ABCA13: variants seen among roughly 807,000 people sequenced by gnomAD.
ABCA13 encodes the protein ATP binding cassette subfamily A member 13.
A neutral mutation model predicts 478.7 loss-of-function variants in ABCA13; 476 were observed. The observed-to-expected ratio is 0.99, with a 90% CI of 0.92 to 1.07. The LOEUF (loss-of-function observed/expected upper bound fraction) is 1.07, where lower values mean the gene tolerates loss of function less well. ABCA13 is among the 50% of genes least tolerant of loss of function. The pLI is 0.00. For missense variants in ABCA13, 6,060 were observed against 5,910.6 expected (o/e 1.03, Z -0.83); for synonymous variants, 2,252 against 2,158.9 (o/e 1.04, Z -1.20).
chr7:48,172,929 AT>A lies in ABCA13; in HGVS notation c.69+1380del, dbSNP rs1178024304. Among the ~76,000 whole-genome samples the A allele has an allele frequency of 6.7e-5, 10 of 149,090 alleles. No individual in the cohort carries two copies. In the Admixed American group the frequency reaches 6.7e-4, roughly 10 times the overall value. On this transcript the variant is annotated intron_variant, in intron 1 of 61. Coordinates refer to ENST00000435803, the MANE Select transcript of ABCA13 (RefSeq NM_152701.5). ...GTAGTTTTACATTTATAAACAGTGTATTTCATTGACATGTAAGTTTGTTTTA... is the reference window on the plus strand; with the variant it reads ...GTAGTTTTACATTTATAAACAGTGTATTCATTGACATGTAAGTTTGTTTTA...
intron 38 of ABCA13, among the ~76,000 whole-genome samples, chr7:48,393,265 G>A (rs533025743): frequency 5.0e-4 from 76 of 152,314 alleles, no homozygotes; most frequent in Middle Eastern, 6.8e-3. Context: ...AGCAAACAGT[G>A]GTAGTTAAGT....
intron 54 of ABCA13, among the ~76,000 whole-genome samples, chr7:48,524,921 C>CT (rs1360640329): frequency 2.0e-5 from 3 of 152,128 alleles, no homozygotes; most frequent in African/African-American, 7.2e-5. Flanking sequence ...AATGTTTAAT[C>CT]AGAACTGACA....
rs747471970 is a variant in ABCA13 at position 48,350,783 on chromosome 7, G to C, written c.10345G>C (p.Ala3449Pro). ...GTCTGTCGACATCCTGGAGACTAAA[G>C]CACATGAACTCTTGCAGCAGAACAG... The part of the protein sequence containing the change: ...LQSVDILETK[A>P]HELLQQNSFL... The change falls in exon 30 of 62, where the codon GCA becomes CCA. Residue 3449 changes from alanine (A) to proline (P), a missense_variant. Coordinates refer to ENST00000435803, the MANE Select transcript of ABCA13 (RefSeq NM_152701.5). The C allele has an allele frequency of 6.2e-7, 1 of 1,613,802 alleles. No homozygotes were observed. Among genetic ancestry groups the C allele is most frequent in the East Asian group, 2.2e-5 (1 of 44,848 alleles).
chr7:48,615,237 C>T (rs1189934061), intron 58 of ABCA13, 48 bp from the exon 59 acceptor site: 2 of 1,241,456 alleles, frequency 1.6e-6, no homozygotes, highest in Admixed American at 3.0e-5. Context: ...ACTCAACCCT[C>T]CCCTCTTCAG....
At chr7:48,226,155 A>G (rs11983960) in intron 5 of ABCA13, among the ~76,000 whole-genome samples, 28,231 of 152,054 alleles carry the variant, frequency 0.19, 3,222 homozygotes, top group East Asian at 0.33. Flanking sequence ...CAAAATGAAG[A>G]TTTTGACCAG....
chr7:48,178,458 T>C (rs1194531614), intron 1 of ABCA13, among the ~76,000 whole-genome samples: 1 of 152,112 alleles, frequency 6.6e-6, no homozygotes, highest in African/African-American at 2.4e-5. Context: ...GCGGATCACC[T>C]GAAGTCAGGA....
At chr7:48,265,940 C>CT (rs947018167) in intron 15 of ABCA13, among the ~76,000 whole-genome samples, 1 of 151,506 alleles carries the variant, frequency 6.6e-6, no homozygotes, top group Admixed American at 6.6e-5. Context: ...TCTTTTATTC[C>CT]TACTTTGGCA....
At chr7:48,466,042 T>A (rs767204198) in intron 43 of ABCA13, among the ~76,000 whole-genome samples, 18 of 152,148 alleles carry the variant, frequency 1.2e-4, no homozygotes, top group Non-Finnish European at 1.6e-4. Flanking sequence ...GCAAAGATTC[T>A]TACTCAAAAA....
In ABCA13 at chr7:48,272,412, G is replaced by T; in HGVS notation, c.2746G>T (p.Ala916Ser). The T allele has an allele frequency of 6.2e-7, 1 of 1,613,756 alleles. No homozygotes were observed. Among genetic ancestry groups the T allele is most frequent in the South Asian group, 1.1e-5 (1 of 91,062 alleles). ...TTTGGAGCAGGAACAGATCTCAGAA[G>T]CTCTGAACACAGTCTACGCTATCAG... is the stretch of plus-strand genomic sequence containing the variant. Reference protein sequence around the residue: ...GFLEQEQISEALNTVYAIRNA... With the variant: ...GFLEQEQISESLNTVYAIRNA... The change falls in exon 17 of 62, where the codon GCT becomes TCT. Residue 916 changes from alanine to serine, a missense_variant. Physicochemically the swap from Ala to Ser is moderately conservative, Grantham distance 99. Coordinates refer to ENST00000435803, the MANE Select transcript of ABCA13 (RefSeq NM_152701.5).
chr7:48,513,623 A>G (rs1398456927), intron 51 of ABCA13, among the ~76,000 whole-genome samples: 1 of 152,222 alleles, frequency 6.6e-6, no homozygotes, highest in African/African-American at 2.4e-5. Flanking sequence ...TTCTTCCGCC[A>G]TAAATTCCAT....
At chr7:48,339,275 A>T (rs1339601004) in intron 29 of ABCA13, among the ~76,000 whole-genome samples, 5 of 152,248 alleles carry the variant, frequency 3.3e-5, no homozygotes, top group African/African-American at 1.2e-4. Flanking sequence ...GGTGAATGCA[A>T]TACTTAATAT....
intron 57 of ABCA13, among the ~76,000 whole-genome samples, chr7:48,593,148 T>C (rs1789924961): frequency 6.6e-6 from 1 of 151,988 alleles, no homozygotes; most frequent in South Asian, 2.1e-4. Flanking sequence ...ATTTATTCTT[T>C]TTTTTCCTCT....
chr7:48,496,619 T>G (rs537912770), intron 48 of ABCA13, among the ~76,000 whole-genome samples: 2 of 152,210 alleles, frequency 1.3e-5, no homozygotes, highest in South Asian at 4.2e-4. Context: ...TCTTTAAGAG[T>G]AGGTTTGCTA....
At chr7:48,185,562 C>T (rs1444607194) in intron 1 of ABCA13, among the ~76,000 whole-genome samples, 1 of 152,072 alleles carries the variant, frequency 6.6e-6, no homozygotes, top group East Asian at 1.9e-4. Context: ...TTTTTTAATG[C>T]AGTAATGATA....
chr7:48,573,218 T>C (rs1331721051), intron 55 of ABCA13, among the ~76,000 whole-genome samples: 1 of 152,160 alleles, frequency 6.6e-6, no homozygotes, highest in South Asian at 2.1e-4. Context: ...AATTTTCTAG[T>C]ATAATTCACC....
chr7:48,502,040 G>T (rs530789755), intron 48 of ABCA13, among the ~76,000 whole-genome samples: 1 of 152,292 alleles, frequency 6.6e-6, no homozygotes, highest in African/African-American at 2.4e-5. Context: ...TTTCCTAAAA[G>T]AATCTATAAT....
In ABCA13 at chr7:48,278,607, A is replaced by G. The variant is rs181467088; in HGVS notation, c.7413A>G (p.Thr2471=). The change falls in exon 18 of 62, where the codon ACA becomes ACG. Residue 2471 remains threonine (T), a synonymous_variant. Coordinates refer to ENST00000435803, the MANE Select transcript of ABCA13 (RefSeq NM_152701.5). ...NNSFPLRNRA[T]LEITKRLVGA... is the part of the protein sequence containing the mutation. ...CATTCCCTCTAAGAAACAGAGCAAC[A>G]TTAGAAATTACTAAGAGATTAGTTG... 1.1e-5 allele frequency: 17 copies of G among 1,613,872 alleles called. No homozygotes were observed. The East Asian group carries it at 2.0e-4, about 19-fold the overall frequency.
At chr7:48,228,003 C>A (rs1205235559) in intron 6 of ABCA13, among the ~76,000 whole-genome samples, 1 of 152,186 alleles carries the variant, frequency 6.6e-6, no homozygotes. Context: ...CATCCCTTCC[C>A]GTGGTGGGCT....
chr7:48,194,017 G>A (rs1202952277), intron 2 of ABCA13, among the ~76,000 whole-genome samples: 3 of 100 alleles, frequency 0.03, no homozygotes, highest in South Asian at 0.5. Flanking sequence ...ATGAAATGAT[G>A]ATGGAGATAA....
Sources: gnomAD v4.1 joint callset for allele counts (sites outside exome capture counted in the v4.1 genomes callset) on GRCh38, gnomAD v4.1.1 for gene constraint, MANE v1.5 for transcripts, NCBI Gene and HGNC (gene_info 2026-07-23, HGNC 2026-07-21) for gene names.